Variants in ALPK1 observed in about 807,000 individuals in gnomAD.
The protein encoded by ALPK1 is alpha-protein kinase 1.
ALPK1 carries 110 observed loss-of-function variants against 120.6 expected under a neutral mutation model. The ratio of observed to expected loss-of-function variants is 0.91; its 90% CI spans 0.78 to 1.07. The LOEUF is 1.07. ALPK1 is among the 50% of genes least tolerant of loss of function. The pLI is 0.00. For missense variants in ALPK1, 1,498 were observed against 1,483.9 expected (o/e 1.01, Z -0.16); for synonymous variants, 582 against 560.3 (o/e 1.04, Z -0.55).
chr4:112,299,253 CT>C (rs1727683740), intron 1 of ALPK1, among the ~76,000 whole-genome samples: 1 of 151,972 alleles, frequency 6.6e-6, no homozygotes, highest in South Asian at 2.1e-4. Flanking sequence ...TATCATTCTT[CT>C]ATGTCTGAAG....
intron 2 of ALPK1, among the ~76,000 whole-genome samples, chr4:112,367,405 G>A (rs1164042152): frequency 2.0e-5 from 3 of 151,740 alleles, no homozygotes; most frequent in South Asian, 4.2e-4. Flanking sequence ...TCTGTCTTAC[G>A]CTTAATTATG....
chr4:112,391,935 A>G (rs906522146), intron 4 of ALPK1, among the ~76,000 whole-genome samples: 15 of 151,466 alleles, frequency 9.9e-5, no homozygotes, highest in African/African-American at 3.7e-4. Context: ...CTGTGCCTCT[A>G]TAGAACAGAA....
rs192133324 is a variant in ALPK1 at position 112,311,966 on chromosome 4, A to G, written c.-152-3835A>G. ...AGGAAGCACACACACCAAAATACAC[A>G]CAGGGGGTCACAGTGTTTTTTTTCT... On this transcript the variant is annotated intron_variant, in intron 1 of 15. Transcript: ENST00000650871. 4.4e-4 allele frequency among the ~76,000 whole-genome samples: 66 copies of G among 150,708 alleles called. 1 individual carries two copies. The highest frequency in any genetic ancestry group is 1.6e-3 in the African/African-American group (64 of 41,094).
At position 112,411,809 on chromosome 4, in the gene ALPK1, T is replaced by C. The variant is rs765648789; in HGVS notation, c.277-18T>C. The C allele has an allele frequency of 1.9e-6, 3 of 1,599,018 alleles. No individual in the cohort carries two copies. In the Admixed American group the frequency reaches 5.2e-5, roughly 28 times the overall value. On this transcript the variant is annotated intron_variant, in intron 4 of 15. Coordinates refer to ENST00000650871, the MANE Select transcript of ALPK1 (RefSeq NM_025144.4). ...AGCGTTTCCGCCTGGCTCACGATGTTCCACGCTGTTCCTCCAGGCGTCCCT... is the reference window on the plus strand; with the variant it reads ...AGCGTTTCCGCCTGGCTCACGATGTCCCACGCTGTTCCTCCAGGCGTCCCT...
chr4:112,396,965 T>G (rs1483981410), intron 4 of ALPK1, among the ~76,000 whole-genome samples: 3 of 152,048 alleles, frequency 2.0e-5, no homozygotes, highest in African/African-American at 7.2e-5. Context: ...TTAACAGAGG[T>G]AGGTCATCAC....
chr4:112,359,289 T>C, intron 2 of ALPK1: 1 of 478,230 alleles, frequency 2.1e-6, no homozygotes, highest in South Asian at 2.0e-5. Flanking sequence ...GGAAGATGCC[T>C]GCAGGGCCCT....
chr4:112,345,595 A>G (rs1014725116), intron 2 of ALPK1, among the ~76,000 whole-genome samples: 1 of 152,228 alleles, frequency 6.6e-6, no homozygotes, highest in African/African-American at 2.4e-5. Flanking sequence ...GCTGCCTCTC[A>G]AAATTCATCA....
intron 11 of ALPK1, among the ~76,000 whole-genome samples, chr4:112,434,012 C>T (rs965995611): frequency 3.9e-5 from 6 of 152,004 alleles, no homozygotes; most frequent in South Asian, 2.1e-4. Context: ...CCTTGAAGTC[C>T]GACTAAAATA....
At chr4:112,357,079 GCTGAAGATGATC>G in intron 2 of ALPK1, 1 of 1,012,964 alleles carries the variant, frequency 9.9e-7, no homozygotes. Flanking sequence ...ACATTGCAAA[GCTGAAGATGATC>G]CTGCTCTGCC....
Position 112,385,516 on chromosome 4 carries a change from T to G in ALPK1, c.276+2964T>G, listed in dbSNP as rs114223304. ...TTTCTTTAGCTTGCCCAGCAAGCTATAAATTAAGCAACCGCACCTCCTAAT... is the reference window on the plus strand; with the variant it reads ...TTTCTTTAGCTTGCCCAGCAAGCTAGAAATTAAGCAACCGCACCTCCTAAT... On this transcript the variant is annotated intron_variant, in intron 4 of 15. Coordinates refer to ENST00000650871, the MANE Select transcript of ALPK1 (RefSeq NM_025144.4). 2.6e-3 allele frequency among the ~76,000 whole-genome samples: 390 copies of G among 152,290 alleles called. 2 individuals carry two copies. The highest frequency in any genetic ancestry group is 9.0e-3 in the African/African-American group (374 of 41,572).
intron 5 of ALPK1, among the ~76,000 whole-genome samples, chr4:112,422,174 G>T (rs149894777): frequency 9.9e-5 from 15 of 152,240 alleles, no homozygotes; most frequent in African/African-American, 3.6e-4. Flanking sequence ...TACTCAGAAC[G>T]GCACGCAATT....
chr4:112,358,524 C>G (rs1449346782), intron 2 of ALPK1: 2 of 677,368 alleles, frequency 3.0e-6, no homozygotes, highest in Non-Finnish European at 2.7e-6. Context: ...GCTGGGGACC[C>G]GGAGGGCAGC....
intron 4 of ALPK1, among the ~76,000 whole-genome samples, chr4:112,405,948 AG>A (rs1298100181): frequency 6.6e-6 from 1 of 152,166 alleles, no homozygotes; most frequent in Non-Finnish European, 1.5e-5. Flanking sequence ...GAAAAGCAGA[AG>A]ATGAACTGAT....
chr4:112,402,068 A>G (rs1284748318), intron 4 of ALPK1, among the ~76,000 whole-genome samples: 2 of 152,194 alleles, frequency 1.3e-5, no homozygotes, highest in Non-Finnish European at 2.9e-5. Flanking sequence ...CTCTGCTTTT[A>G]CTATTGATGG....
At chr4:112,401,802 A>G (rs572775635) in intron 4 of ALPK1, among the ~76,000 whole-genome samples, 43 of 152,342 alleles carry the variant, frequency 2.8e-4, no homozygotes, top group African/African-American at 1.0e-3. Context: ...GAGATAATCC[A>G]AAATATTATC....
intron 2 of ALPK1, among the ~76,000 whole-genome samples, chr4:112,363,009 T>C (rs1560653984): frequency 6.6e-6 from 1 of 152,198 alleles, no homozygotes; most frequent in Non-Finnish European, 1.5e-5. Flanking sequence ...GAAGGAAAGA[T>C]ACAGTCTTTT....
chr4:112,342,202 T>C (rs922773158), intron 2 of ALPK1, among the ~76,000 whole-genome samples: 1 of 152,226 alleles, frequency 6.6e-6, no homozygotes, highest in Admixed American at 6.5e-5. Context: ...GTTGTTGCTG[T>C]TGTACACAAT....
chr4:112,340,617 G>A (rs1295378790), intron 2 of ALPK1, among the ~76,000 whole-genome samples: 1 of 152,102 alleles, frequency 6.6e-6, no homozygotes, highest in Non-Finnish European at 1.5e-5. Context: ...AGATTACAAA[G>A]GGCTTACAGA....
At chr4:112,332,171 A>C (rs1729409676) in intron 2 of ALPK1, among the ~76,000 whole-genome samples, 1 of 152,346 alleles carries the variant, frequency 6.6e-6, no homozygotes, top group East Asian at 1.9e-4. Flanking sequence ...CTGAACTGGC[A>C]AAAGAATATT....
Sources: gnomAD v4.1 joint callset for allele counts (sites outside exome capture counted in the v4.1 genomes callset) on GRCh38, gnomAD v4.1.1 for gene constraint, MANE v1.5 for transcripts, NCBI Gene and HGNC (gene_info 2026-07-23, HGNC 2026-07-21) for gene names.